The following RPS6KC1 variants were observed in gnomAD, a reference collection of about 807,000 sequenced individuals.
The protein encoded by RPS6KC1 is ribosomal protein S6 kinase C1.
In RPS6KC1, 54 loss-of-function variants were observed where a neutral mutation model predicts 103.8. The observed-to-expected ratio is 0.52, with a 90% confidence interval of 0.42 to 0.65. RPS6KC1 has a LOEUF of 0.65. Among genes scored for constraint, RPS6KC1 ranks in the 30% least tolerant of loss-of-function variants. The pLI is 0.00. For synonymous variants in RPS6KC1, 439 were observed against 438.7 expected (o/e 1.00, Z -0.01); for missense variants, 1,151 against 1,253.8 (o/e 0.92, Z 1.24).
chr1:213,557,195 G>T, the RPS6KC1 span, among the ~76,000 whole-genome samples: 1 of 152,182 alleles, frequency 6.6e-6, no homozygotes, highest in African/African-American at 2.4e-5. Flanking sequence ...GGCATCCACA[G>T]GATGAAGGAT....
chr1:213,838,918 T>C, the RPS6KC1 span, among the ~76,000 whole-genome samples: 2 of 152,240 alleles, frequency 1.3e-5, no homozygotes, highest in Admixed American at 1.3e-4. Flanking sequence ...AGAAGATTTA[T>C]TGGCTTTCTT....
the RPS6KC1 span, among the ~76,000 whole-genome samples, chr1:213,759,478 T>C: frequency 0.25 from 38,515 of 152,178 alleles, 5,742 homozygotes; most frequent in East Asian, 0.7. Flanking sequence ...CATTATCTCA[T>C]TCACTATGGG....
chr1:213,388,162 T>C, the RPS6KC1 span, among the ~76,000 whole-genome samples: 3 of 152,206 alleles, frequency 2.0e-5, no homozygotes, highest in Non-Finnish European at 4.4e-5. Flanking sequence ...TTCACTGATC[T>C]CCAAGAGCAT....
chr1:213,343,043 A>AT, the RPS6KC1 span, among the ~76,000 whole-genome samples: 1 of 152,036 alleles, frequency 6.6e-6, no homozygotes, highest in Non-Finnish European at 1.5e-5. Flanking sequence ...CTCAAAAAAA[A>AT]TTTTTTTGTA....
the RPS6KC1 span, among the ~76,000 whole-genome samples, chr1:213,288,157 G>A: frequency 6.6e-6 from 1 of 152,128 alleles, no homozygotes; most frequent in Non-Finnish European, 1.5e-5. Context: ...CTGCCAGGTG[G>A]ACCAAAACAC....
chr1:213,460,188 C>T, the RPS6KC1 span, among the ~76,000 whole-genome samples: 1 of 152,104 alleles, frequency 6.6e-6, no homozygotes, highest in Non-Finnish European at 1.5e-5. Flanking sequence ...GTGTTAAAAT[C>T]TCCCATTATT....
chr1:213,068,204 G>A (rs952558573), intron 1 of RPS6KC1, among the ~76,000 whole-genome samples: 1 of 151,928 alleles, frequency 6.6e-6, no homozygotes, highest in African/African-American at 2.4e-5. Context: ...ATGTAAGAAC[G>A]GCGGGGCGCA....
At chr1:213,425,146 A>G in the RPS6KC1 span, among the ~76,000 whole-genome samples, 1 of 152,238 alleles carries the variant, frequency 6.6e-6, no homozygotes, top group Non-Finnish European at 1.5e-5. Flanking sequence ...ACATTAAAAA[A>G]AAATCTTTCC....
At chr1:213,504,300 T>A in the RPS6KC1 span, among the ~76,000 whole-genome samples, 2 of 152,230 alleles carry the variant, frequency 1.3e-5, no homozygotes, top group African/African-American at 2.4e-5. Context: ...TATAATTGCT[T>A]TTTTTGCATT....
chr1:213,764,373 T>G, the RPS6KC1 span, among the ~76,000 whole-genome samples: 1 of 152,270 alleles, frequency 6.6e-6, no homozygotes, highest in Non-Finnish European at 1.5e-5. Flanking sequence ...CCTGCTCCCT[T>G]CAGGGGGCCT....
the RPS6KC1 span, among the ~76,000 whole-genome samples, chr1:213,674,903 T>A: frequency 2.0e-5 from 3 of 152,224 alleles, 1 homozygote; most frequent in Admixed American, 1.3e-4. Context: ...ATGTGAGGCA[T>A]CTTTTCATGT....
the RPS6KC1 span, among the ~76,000 whole-genome samples, chr1:213,801,548 G>A: frequency 2.6e-5 from 4 of 152,214 alleles, no homozygotes; most frequent in Non-Finnish European, 5.9e-5. Context: ...AAGAAAATGA[G>A]ACGGGCAGGT....
At chr1:213,311,102 C>T in the RPS6KC1 span, among the ~76,000 whole-genome samples, 2 of 151,818 alleles carry the variant, frequency 1.3e-5, no homozygotes, top group African/African-American at 2.4e-5. Flanking sequence ...AAATGTCTTA[C>T]ATGGGAGAAG....
At chr1:213,142,885 G>A (rs936497519) in intron 6 of RPS6KC1, among the ~76,000 whole-genome samples, 3 of 151,972 alleles carry the variant, frequency 2.0e-5, no homozygotes, top group Admixed American at 6.6e-5. Flanking sequence ...TATATGCACC[G>A]GGAAACAGAA....
chr1:213,807,155 A>T, the RPS6KC1 span, among the ~76,000 whole-genome samples: 1 of 152,208 alleles, frequency 6.6e-6, no homozygotes, highest in Non-Finnish European at 1.5e-5. Flanking sequence ...ATCTGCTGTT[A>T]GTCTGATGGG....
the RPS6KC1 span, among the ~76,000 whole-genome samples, chr1:213,542,351 G>T: frequency 6.6e-6 from 1 of 152,198 alleles, no homozygotes; most frequent in Admixed American, 6.5e-5. Context: ...TACATGTCCT[G>T]CAGGGAGCAG....
chr1:213,275,488 G>T (rs2095110586), downstream of RPS6KC1, among the ~76,000 whole-genome samples: 1 of 152,130 alleles, frequency 6.6e-6, no homozygotes, highest in African/African-American at 2.4e-5. Flanking sequence ...AGCTTCCCAA[G>T]AGTGAAAAGA....
At chr1:213,436,272 C>T in the RPS6KC1 span, among the ~76,000 whole-genome samples, 8 of 152,226 alleles carry the variant, frequency 5.3e-5, no homozygotes, top group Middle Eastern at 3.4e-3. Context: ...GACTGCATTT[C>T]GAGTGTTCAA....
the RPS6KC1 span, among the ~76,000 whole-genome samples, chr1:213,313,307 C>T: frequency 2.0e-5 from 3 of 152,052 alleles, no homozygotes; most frequent in Non-Finnish European, 4.4e-5. Context: ...AGGGAGATGT[C>T]AGTCTCTTCT....
Sources: gnomAD v4.1 joint callset for allele counts (sites outside exome capture counted in the v4.1 genomes callset) on GRCh38, gnomAD v4.1.1 for gene constraint, MANE v1.5 for transcripts, NCBI Gene and HGNC (gene_info 2026-07-23, HGNC 2026-07-21) for gene names.